Variants in DLC1 observed in about 807,000 individuals in gnomAD.
DLC1 encodes rho GTPase-activating protein 7.
In DLC1, 54 loss-of-function variants were observed where a neutral mutation model predicts 140.3. The observed-to-expected ratio is 0.38, with a 90% CI of 0.31 to 0.48. The LOEUF (loss-of-function observed/expected upper bound fraction) is 0.48. Ranked by LOEUF, DLC1 falls within the 20% of genes least tolerant of loss-of-function variation. The pLI, the probability that DLC1 is intolerant of heterozygous loss-of-function variation, is 0.96. For synonymous variants in DLC1, 986 were observed against 728.1 expected, an observed-to-expected ratio of 1.35 and a Z score of -5.70; for missense variants, 2,536 against 1,907.0, an observed-to-expected ratio of 1.33 and a Z score of -6.14.
intron 5 of DLC1, among the ~76,000 whole-genome samples, chr8:13,254,060 A>G (rs757751241): frequency 6.6e-6 from 1 of 152,132 alleles, no homozygotes; most frequent in Admixed American, 6.6e-5. Context: ...GCAGTCTACC[A>G]AATATTTAGG....
intron 1 of DLC1, among the ~76,000 whole-genome samples, chr8:13,529,516 A>G (rs1803029733): frequency 6.6e-6 from 1 of 152,146 alleles, no homozygotes; most frequent in African/African-American, 2.4e-5. Context: ...TATCCTCTTA[A>G]CACTTAATTC....
intron 2 of DLC1, among the ~76,000 whole-genome samples, chr8:13,446,086 A>G (rs1798763821): frequency 6.6e-6 from 1 of 152,150 alleles, no homozygotes; most frequent in South Asian, 2.1e-4. Flanking sequence ...TTAGTAACAT[A>G]TCAATTACGT....
chr8:13,520,003 G>A (rs1421384693), intron 1 of DLC1, among the ~76,000 whole-genome samples: 1 of 152,174 alleles, frequency 6.6e-6, no homozygotes, highest in African/African-American at 2.4e-5. Flanking sequence ...GGAGAAATAG[G>A]AACACTTTTA....
At chr8:13,281,660 C>G (rs936816192) in intron 5 of DLC1, among the ~76,000 whole-genome samples, 4 of 152,072 alleles carry the variant, frequency 2.6e-5, no homozygotes, top group Middle Eastern at 3.2e-3. Flanking sequence ...TGATATATAC[C>G]AAAATCACAC....
At chr8:13,570,247 G>T (rs529116180) in intron 1 of DLC1, among the ~76,000 whole-genome samples, 1 of 150,296 alleles carries the variant, frequency 6.7e-6, no homozygotes, top group East Asian at 2.0e-4. Context: ...GAGCTCTTTT[G>T]TGTCACTATG....
rs556197318 is a variant in DLC1 at position 13,176,287 on chromosome 8, ACT to A, written c.1349-60632_1349-60631del. On this transcript the variant is annotated intron_variant, in intron 5 of 17. Coordinates refer to ENST00000276297, the MANE Select transcript of DLC1 (RefSeq NM_182643.3). The stretch of plus-strand genomic sequence containing the variant: ...GGATGAAAACTGCCTTCTAATAAAA[ACT>A]CTCTTTTGTCCGGGTGTGGTGGTTC... 2.0e-3 allele frequency among the ~76,000 whole-genome samples: 309 copies of A among 151,796 alleles called. 1 individual carries two copies. Among genetic ancestry groups the A allele is most frequent in the African/African-American group, 7.3e-3 (303 of 41,386 alleles).
Position 13,100,714 on chromosome 8 carries a change from T to G in DLC1, c.1623A>C (p.Gln541His). The change falls in exon 9 of 18, where the codon CAA becomes CAC. Residue 541 changes from glutamine (Q) to histidine (H), a missense_variant. Coordinates refer to ENST00000276297, the MANE Select transcript of DLC1 (RefSeq NM_182643.3). The stretch of plus-strand genomic sequence containing the variant: ...GCCGGGACCACCTCTTGCTGTCCCT[T>G]TGGAAAGTCCATTTGCCACTGATGG... ...PCAISGKWTFQRDSKRWSRLE... is the reference protein window; with the variant it reads ...PCAISGKWTFHRDSKRWSRLE... The G allele has an allele frequency of 6.2e-7, 1 of 1,607,666 alleles. No individual in the cohort carries two copies. Among genetic ancestry groups the G allele is most frequent in the Non-Finnish European group, 8.5e-7 (1 of 1,177,328 alleles).
intron 5 of DLC1, among the ~76,000 whole-genome samples, chr8:13,238,969 G>GCA (rs1829418619): frequency 6.6e-6 from 1 of 152,162 alleles, no homozygotes; most frequent in South Asian, 2.1e-4. Flanking sequence ...TGGCGTCAGG[G>GCA]CACACAGTCT....
intron 4 of DLC1, among the ~76,000 whole-genome samples, chr8:13,315,858 G>C (rs1832842909): frequency 6.6e-6 from 1 of 152,156 alleles, no homozygotes; most frequent in African/African-American, 2.4e-5. Context: ...CATTTTTGGT[G>C]ACAAAGTTAT....
intron 4 of DLC1, among the ~76,000 whole-genome samples, chr8:13,317,570 C>T (rs1172378999): frequency 6.6e-6 from 1 of 151,946 alleles, no homozygotes; most frequent in Non-Finnish European, 1.5e-5. Context: ...TGGCTATGGT[C>T]AGTATTTTTT....
chr8:13,126,281 G>A (rs1204715630), intron 5 of DLC1, among the ~76,000 whole-genome samples: 1 of 151,866 alleles, frequency 6.6e-6, no homozygotes, highest in Non-Finnish European at 1.5e-5. Context: ...AATGGATACT[G>A]AATCATCACA....
At chr8:13,151,152 A>C (rs191853738) in intron 5 of DLC1, among the ~76,000 whole-genome samples, 5 of 152,318 alleles carry the variant, frequency 3.3e-5, no homozygotes, top group Middle Eastern at 3.4e-3. Context: ...CAGATGTCTG[A>C]AGAAAGTGGA....
chr8:13,221,678 T>G (rs1158142558), intron 5 of DLC1, among the ~76,000 whole-genome samples: 2 of 139,944 alleles, frequency 1.4e-5, no homozygotes, highest in Non-Finnish European at 3.1e-5. Flanking sequence ...GCCCCAAAGA[T>G]TTTGTGTGTG....
intron 5 of DLC1, among the ~76,000 whole-genome samples, chr8:13,195,208 C>A (rs189632169): frequency 1.3e-5 from 2 of 152,250 alleles, no homozygotes; most frequent in Admixed American, 1.3e-4. Flanking sequence ...GGGTTCTAAT[C>A]CCAAATTTAT....
At chr8:13,550,977 G>A (rs1385741657) in intron 1 of DLC1, among the ~76,000 whole-genome samples, 4 of 150,676 alleles carry the variant, frequency 2.7e-5, no homozygotes, top group Non-Finnish European at 5.9e-5. Flanking sequence ...TTCTCAGTGA[G>A]TTTACTCTAC....
At chr8:13,415,613 A>G (rs1021093862) in intron 2 of DLC1, among the ~76,000 whole-genome samples, 1 of 151,720 alleles carries the variant, frequency 6.6e-6, no homozygotes, top group Non-Finnish European at 1.5e-5. Context: ...ATTAGCCAGG[A>G]TGGTCTCGAT....
chr8:13,585,881 T>C (rs531534322), intron 1 of DLC1, among the ~76,000 whole-genome samples: 68 of 152,356 alleles, frequency 4.5e-4, no homozygotes, highest in African/African-American at 1.6e-3. Context: ...AGTCACATTC[T>C]GAAGTACTTT....
chr8:13,198,515 CAAAT>C (rs746833924), intron 5 of DLC1, among the ~76,000 whole-genome samples: 9 of 152,202 alleles, frequency 5.9e-5, no homozygotes, highest in East Asian at 5.8e-4. Context: ...ACAAGTAAAA[CAAAT>C]AAAAAACTTT....
chr8:13,166,377 G>T (rs1024007972), intron 5 of DLC1, among the ~76,000 whole-genome samples: 1 of 152,036 alleles, frequency 6.6e-6, no homozygotes, highest in East Asian at 1.9e-4. Flanking sequence ...GGTCTGCTCT[G>T]TATCCCAGGC....
Sources: gnomAD v4.1 joint callset for allele counts (sites outside exome capture counted in the v4.1 genomes callset) on GRCh38, gnomAD v4.1.1 for gene constraint, MANE v1.5 for transcripts, NCBI Gene and HGNC (gene_info 2026-07-23, HGNC 2026-07-21) for gene names.